The following LOC128462377 variants were observed in gnomAD, a reference collection of about 807,000 sequenced individuals.
the LOC128462377 span, among the ~76,000 whole-genome samples, chr16:89,327,449 G>GT: frequency 6.6e-6 from 1 of 152,172 alleles, no homozygotes; most frequent in African/African-American, 2.4e-5. Flanking sequence ...TGAAGATGGT[G>GT]TAAGTGTCCA....
At chr16:89,384,686 G>A in the LOC128462377 span, among the ~76,000 whole-genome samples, 1 of 152,050 alleles carries the variant, frequency 6.6e-6, no homozygotes, top group African/African-American at 2.4e-5. Flanking sequence ...ACTACAGAAA[G>A]AATAGAACTC....
chr16:89,348,214 G>A, the LOC128462377 span, among the ~76,000 whole-genome samples: 1 of 152,098 alleles, frequency 6.6e-6, no homozygotes, highest in Admixed American at 6.6e-5. Context: ...TTACAGGCAT[G>A]AGCCACCATA....
the LOC128462377 span, among the ~76,000 whole-genome samples, chr16:89,357,618 TC>T: frequency 6.6e-6 from 1 of 152,290 alleles, no homozygotes; most frequent in South Asian, 2.1e-4. Context: ...AACCCGAGTG[TC>T]CCCTGGCGGA....
chr16:89,372,232 A>ACC, the LOC128462377 span, among the ~76,000 whole-genome samples: 1 of 152,210 alleles, frequency 6.6e-6, no homozygotes, highest in Non-Finnish European at 1.5e-5. Context: ...AGAGCTGGGG[A>ACC]AAGAGCCACA....
the LOC128462377 span, among the ~76,000 whole-genome samples, chr16:89,320,523 A>C: frequency 6.6e-6 from 1 of 152,044 alleles, no homozygotes; most frequent in African/African-American, 2.4e-5. Flanking sequence ...CCTGGCCCTG[A>C]CCGCCCCCAG....
the LOC128462377 span, chr16:89,323,799 G>C: frequency 4.1e-6 from 1 of 245,280 alleles, no homozygotes; most frequent in African/African-American, 2.4e-5. Context: ...CCCCTCCTCA[G>C]GGCCACACCA....
the LOC128462377 span, among the ~76,000 whole-genome samples, chr16:89,344,042 C>G: frequency 1.3e-5 from 2 of 152,172 alleles, no homozygotes; most frequent in African/African-American, 4.8e-5. Flanking sequence ...TCCTCAAGCC[C>G]GGCCCCGCCC....
the LOC128462377 span, among the ~76,000 whole-genome samples, chr16:89,391,227 C>CA: frequency 8.2e-3 from 780 of 95,162 alleles, 7 homozygotes; most frequent in African/African-American, 0.017. Flanking sequence ...GACTCTGTCT[C>CA]AAAAAAAAAA....
the LOC128462377 span, among the ~76,000 whole-genome samples, chr16:89,358,588 A>G: frequency 2.0e-5 from 3 of 152,220 alleles, no homozygotes; most frequent in African/African-American, 7.2e-5. Flanking sequence ...TCATCTATGT[A>G]CTCACAAAAA....
chr16:89,338,257 C>T, the LOC128462377 span, among the ~76,000 whole-genome samples: 2 of 152,030 alleles, frequency 1.3e-5, no homozygotes, highest in Admixed American at 6.6e-5. Flanking sequence ...CTGCCATGAG[C>T]GCCACACTGT....
chr16:89,333,822 G>A, the LOC128462377 span, among the ~76,000 whole-genome samples: 3 of 152,080 alleles, frequency 2.0e-5, no homozygotes, highest in Admixed American at 1.3e-4. Flanking sequence ...GAAACATTAG[G>A]GGGCACTGCA....
chr16:89,324,153 C>T, the LOC128462377 span: 1 of 1,028,094 alleles, frequency 9.7e-7, no homozygotes, highest in East Asian at 6.5e-5. Flanking sequence ...GCCCTGTTTC[C>T]ACTCACATTT....
the LOC128462377 span, among the ~76,000 whole-genome samples, chr16:89,409,468 G>A: frequency 6.6e-6 from 1 of 152,186 alleles, no homozygotes; most frequent in African/African-American, 2.4e-5. Flanking sequence ...CCTGCCCACA[G>A]CATAAAAACA....
chr16:89,404,499 C>T, the LOC128462377 span, among the ~76,000 whole-genome samples: 79 of 152,288 alleles, frequency 5.2e-4, 1 homozygote, highest in East Asian at 0.014. Context: ...TGGTGTCCTC[C>T]AGAAAATGAG....
chr16:89,401,561 G>A, the LOC128462377 span, among the ~76,000 whole-genome samples: 1 of 152,090 alleles, frequency 6.6e-6, no homozygotes, highest in African/African-American at 2.4e-5. Context: ...GATTACAGGC[G>A]ATTTTTACTT....
chr16:89,334,286 G>A, the LOC128462377 span, among the ~76,000 whole-genome samples: 1 of 151,926 alleles, frequency 6.6e-6, no homozygotes, highest in Non-Finnish European at 1.5e-5. Context: ...TGCTGACTGG[G>A]AGTCAACCCC....
the LOC128462377 span, among the ~76,000 whole-genome samples, chr16:89,404,245 C>T: frequency 6.6e-5 from 10 of 152,188 alleles, no homozygotes; most frequent in Admixed American, 1.3e-4. Context: ...GAACCCTGTT[C>T]TAGTCTCCTA....
the LOC128462377 span, among the ~76,000 whole-genome samples, chr16:89,329,863 G>A: frequency 3.3e-5 from 5 of 152,024 alleles, no homozygotes; most frequent in South Asian, 4.1e-4. Flanking sequence ...AAAATTAGCC[G>A]GGCATGGTGG....
At chr16:89,371,639 A>G in the LOC128462377 span, among the ~76,000 whole-genome samples, 1 of 152,242 alleles carries the variant, frequency 6.6e-6, no homozygotes, top group Admixed American at 6.5e-5. Flanking sequence ...ACGACACCCA[A>G]GGAGGGGTGT....
Sources: allele counts gnomAD v4.1 joint callset (sites outside exome capture counted in the v4.1 genomes callset), GRCh38; gene constraint gnomAD v4.1.1; transcripts MANE v1.5.